Variants in FAM234A observed in about 807,000 individuals in gnomAD.
FAM234A encodes the protein protein FAM234A.
A neutral mutation model predicts 49.1 loss-of-function variants in FAM234A; 42 were observed. That is an observed-to-expected ratio of 0.86 (90% CI 0.67 to 1.11). The LOEUF (loss-of-function observed/expected upper bound fraction) is 1.11. Ranked by LOEUF, FAM234A falls within the 50% of genes least tolerant of loss-of-function variation. FAM234A has a pLI of 0.00. For missense variants in FAM234A, 815 were observed against 745.2 expected (o/e 1.09, Z -1.09); for synonymous variants, 369 against 316.2 (o/e 1.17, Z -1.77).
chr16:254,792 A>G lies in FAM234A; in HGVS notation c.268+111A>G, dbSNP rs1194492268. The G allele has an allele frequency of 1.6e-5, 18 of 1,131,530 alleles. No individual in the cohort carries two copies. The highest frequency in any genetic ancestry group is 2.3e-5 in the Non-Finnish European group (18 of 789,322). The allele number at this position is 1,131,530 out of a possible 1,614,324, so 70.1% of individuals were successfully genotyped here. A position where few individuals can be genotyped will look rare whatever the true frequency, so the allele number is the denominator to read the frequency against. ...TCTAGAAGTGGCCTTTAAACAGTGA[A>G]TCAATCCCAAGAGGCTGCCAGTTCT... On this transcript the variant is annotated intron_variant, in intron 3 of 12. Coordinates refer to ENST00000399932, the MANE Select transcript of FAM234A (RefSeq NM_032039.4).
At chr16:267,968 C>T (rs540391797), downstream of FAM234A, among the ~76,000 whole-genome samples, 7 of 150,670 alleles carry the variant, frequency 4.6e-5, no homozygotes, top group South Asian at 1.3e-3. Flanking sequence ...GTACACACCA[C>T]ACGTGTGCCT....
intron 2 of FAM234A, among the ~76,000 whole-genome samples, chr16:252,040 G>C (rs889941153): frequency 6.8e-6 from 1 of 147,582 alleles, no homozygotes; most frequent in Admixed American, 6.8e-5. Flanking sequence ...TCTCTCTGTT[G>C]CCCAGGCTAG....
intron 1 of FAM234A, among the ~76,000 whole-genome samples, chr16:244,953 A>G (rs796822619): frequency 2.0e-4 from 31 of 151,784 alleles, no homozygotes; most frequent in African/African-American, 6.5e-4. Flanking sequence ...CAGCCTCCCA[A>G]CGTGCTGGGA....
intron 1 of FAM234A, among the ~76,000 whole-genome samples, chr16:248,786 G>A (rs2050901619): frequency 6.6e-6 from 1 of 151,616 alleles, no homozygotes; most frequent in African/African-American, 2.4e-5. Flanking sequence ...ACACCTGGCT[G>A]ATTTTTGTAT....
chr16:237,236 A>G (rs954678961), intron 1 of FAM234A, among the ~76,000 whole-genome samples: 7 of 152,076 alleles, frequency 4.6e-5, no homozygotes, highest in Middle Eastern at 3.4e-3. Flanking sequence ...CCTTGCTTCC[A>G]TTCTGCTGAC....
chr16:253,373 CTAGT>C (rs2051096843), intron 2 of FAM234A, among the ~76,000 whole-genome samples: 1 of 152,070 alleles, frequency 6.6e-6, no homozygotes, highest in African/African-American at 2.4e-5. Context: ...TTATTTTTTT[CTAGT>C]TAGTCTGTGC....
chr16:246,521 G>A (rs1189909443), intron 1 of FAM234A, among the ~76,000 whole-genome samples: 2 of 142,620 alleles, frequency 1.4e-5, no homozygotes, highest in African/African-American at 5.3e-5. Context: ...CCGGGTTCAC[G>A]CCATTCTCCT....
chr16:250,679 C>G (rs1293989347), intron 2 of FAM234A, among the ~76,000 whole-genome samples: 1 of 152,070 alleles, frequency 6.6e-6, no homozygotes, highest in African/African-American at 2.4e-5. Context: ...CTATTTTCAT[C>G]ATCCCACAAA....
Position 264,638 on chromosome 16 carries a change from CTGTACA to C in FAM234A, c.1373_1378del (p.Tyr458_Met459del). The C allele has an allele frequency of 6.2e-7, 1 of 1,611,578 alleles. No individual in the cohort carries two copies. The highest frequency in any genetic ancestry group is 8.5e-7 in the Non-Finnish European group (1 of 1,179,856). ...GGAGACCGGGGAGGCCCGGCACAGCCTGTACATGTTCCACCCCACCCTGCCGCGCGT... is the reference window on the plus strand; with the variant it reads ...GGAGACCGGGGAGGCCCGGCACAGCCTGTTCCACCCCACCCTGCCGCGCGT... On this transcript the variant is annotated inframe_deletion, in exon 12 of 13. Coordinates refer to ENST00000399932, the MANE Select transcript of FAM234A (RefSeq NM_032039.4).
chr16:236,250 C>T (rs1190307549), intron 1 of FAM234A, among the ~76,000 whole-genome samples: 4 of 151,856 alleles, frequency 2.6e-5, no homozygotes. Flanking sequence ...GCCACCGCAA[C>T]TGGCCCTCTT....
rs1032975060 is a variant in FAM234A at position 265,812 on chromosome 16, C to T, written c.*790C>T. On this transcript the variant is annotated 3_prime_UTR_variant, in exon 13 of 13. Transcript: ENST00000399932. ...GAATGCGTGTTTGGGTCAGTCTGTG[C>T]CCTCTCAGTAGACACTGGAGCTGCT... The T allele has an allele frequency of 9.1e-6, 9 of 985,760 alleles. No individual in the cohort carries two copies. The highest frequency in any genetic ancestry group is 1.1e-5 in the Non-Finnish European group (9 of 830,094). 61.1% of individuals were successfully genotyped at this position (985,760 alleles called of 1,614,324 possible). A position where few individuals can be genotyped will look rare whatever the true frequency, so the allele number is the denominator to read the frequency against.
rs903401324 is a variant in FAM234A at position 257,734 on chromosome 16, C to G, written c.269-1749C>G. Among the ~76,000 whole-genome samples, 8 of 152,232 alleles carry G rather than the reference C, an allele frequency of 5.3e-5. 1 individual carries two copies. The South Asian group carries it at 1.5e-3, about 28-fold the overall frequency. ...GGCGCAGTGGCTCACACCTGTAATT[C>G]CAGCAGTTTCAGAGGCTGAGACAGG... On this transcript the variant is annotated intron_variant, in intron 3 of 12. Coordinates refer to ENST00000399932, the MANE Select transcript of FAM234A (RefSeq NM_032039.4).
intron 2 of FAM234A, among the ~76,000 whole-genome samples, chr16:253,365 A>C (rs2051096673): frequency 6.6e-6 from 1 of 151,598 alleles, no homozygotes; most frequent in African/African-American, 2.4e-5. Flanking sequence ...ATTTTATTTT[A>C]TTTTTTTCTA....
At chr16:252,196 T>G (rs1331000371) in intron 2 of FAM234A, among the ~76,000 whole-genome samples, 9 of 146,758 alleles carry the variant, frequency 6.1e-5, no homozygotes, top group Non-Finnish European at 1.4e-4. Context: ...TTTTTTTTTT[T>G]TTTTTGAGAC....
chr16:255,528 C>G lies in FAM234A; in HGVS notation c.268+847C>G, dbSNP rs145344696. Among the ~76,000 whole-genome samples the G allele has an allele frequency of 2.2e-3, 340 of 152,274 alleles. 1 individual carries two copies. The highest frequency in any genetic ancestry group is 7.4e-3 in the African/African-American group (306 of 41,560). On this transcript the variant is annotated intron_variant, in intron 3 of 12. Coordinates refer to ENST00000399932, the MANE Select transcript of FAM234A (RefSeq NM_032039.4). ...GGTTGAGGCTGCAGTGAGCTGTGAT[C>G]GTGCCACTGCACTCCAGCCTGGGTG...
At chr16:246,057 G>A (rs1466143464) in intron 1 of FAM234A, among the ~76,000 whole-genome samples, 5 of 151,294 alleles carry the variant, frequency 3.3e-5, no homozygotes, top group Admixed American at 6.6e-5. Context: ...ACAAAAATTA[G>A]CTGGGTGCGG....
Position 264,627 on chromosome 16 carries a change from C to T in FAM234A, c.1358C>T (p.Ala453Val), listed in dbSNP as rs1295557982. ...TTCTCGCTCCAGGAGACCGGGGAGG[C>T]CCGGCACAGCCTGTACATGTTCCAC... ...GSTSETETGEARHSLYMFHPT... is the reference protein window; with the variant it reads ...GSTSETETGEVRHSLYMFHPT... Residue 453 changes from alanine (A) to valine (V), a missense_variant, in exon 12 of 13, where the codon GCC becomes GTC. Coordinates refer to ENST00000399932, the MANE Select transcript of FAM234A (RefSeq NM_032039.4). 8.7e-6 allele frequency: 14 copies of T among 1,609,748 alleles called. No homozygotes were observed. The highest frequency in any genetic ancestry group is 4.0e-5 in the African/African-American group (3 of 74,892).
chr16:268,505 G>T (rs545308573), downstream of FAM234A: 428 of 540,292 alleles, frequency 7.9e-4, 5 homozygotes, highest in South Asian at 8.0e-3. Context: ...TGGGGAGCAA[G>T]GCCAGCTCAC....
chr16:258,471 G>A (rs1193531458), intron 3 of FAM234A, among the ~76,000 whole-genome samples: 1 of 151,426 alleles, frequency 6.6e-6, no homozygotes, highest in Non-Finnish European at 1.5e-5. Flanking sequence ...AGGGTTGGGG[G>A]TAAGGTCACC....
Sources: gnomAD v4.1 joint callset for allele counts (sites outside exome capture counted in the v4.1 genomes callset) on GRCh38, gnomAD v4.1.1 for gene constraint, MANE v1.5 for transcripts, NCBI Gene and HGNC (gene_info 2026-07-23, HGNC 2026-07-21) for gene names.